Variants in YTHDF2 observed in about 807,000 individuals in gnomAD.
YTHDF2 encodes YTH N6-methyladenosine RNA binding protein F2.
A neutral mutation model predicts 50.4 loss-of-function variants in YTHDF2; 2 were observed. The ratio of observed to expected loss-of-function variants is 0.04; its 90% confidence interval spans 0.02 to 0.12. The LOEUF is 0.12. Among genes scored for constraint, YTHDF2 ranks in the 10% least tolerant of loss-of-function variants. The probability of loss-of-function intolerance (pLI) is 1.00; values close to 1 mark genes in which losing one functional copy is unlikely to be tolerated. For missense variants in YTHDF2, 483 were observed against 722.6 expected (o/e 0.67, Z 3.80); for synonymous variants, 217 against 255.6 (o/e 0.85, Z 1.44).
chr1:28,745,698 CAA>C (rs2087846982), intron 4 of YTHDF2, among the ~76,000 whole-genome samples: 1 of 118,192 alleles, frequency 8.5e-6, no homozygotes, highest in Non-Finnish European at 1.7e-5. Context: ...GCCTGGGCAA[CAA>C]GAGCTAAACT....
chr1:28,737,855 C>A, intron 2 of YTHDF2, 173 bp downstream of exon 2: 50 of 624,816 alleles, frequency 8.0e-5, no homozygotes, highest in Non-Finnish European at 1.1e-4. Context: ...TGGCGAACAG[C>A]TTTTTCGCTA....
chr1:28,743,610 G>T lies in YTHDF2; in HGVS notation c.1340G>T (p.Arg447Leu). The T allele has an allele frequency of 1.2e-6, 2 of 1,614,138 alleles. No individual in the cohort carries two copies. Among genetic ancestry groups the T allele is most frequent in the Non-Finnish European group, 1.7e-6 (2 of 1,180,012 alleles). The change falls in exon 4 of 5, where the codon CGT becomes CTT. Residue 447 changes from arginine (R) to leucine (L), a missense_variant. By Grantham distance (102) the Arg-to-Leu change is moderately radical. Around this residue, in one of 4 missense-constraint regions of YTHDF2, gnomAD observed 59 missense variants for 168.9 expected, o/e 0.35. Transcript: ENST00000373812. The surrounding 1 kb of genome is among the most constrained non-coding windows in gnomAD (Gnocchi z 6.9). Reference sequence around the variant, plus strand: ...AACAAGAGACTGGATGCTGCTTATCGTTCCATGAACGGGAAAGGCCCCGTT... The same window carrying T: ...AACAAGAGACTGGATGCTGCTTATCTTTCCATGAACGGGAAAGGCCCCGTT... ...HGNKRLDAAY[R>L]SMNGKGPVYL...
intron 4 of YTHDF2, among the ~76,000 whole-genome samples, chr1:28,746,360 T>C (rs985418442): frequency 1.3e-5 from 2 of 152,178 alleles, no homozygotes; most frequent in Non-Finnish European, 2.9e-5. Flanking sequence ...TAGACTTGTA[T>C]GTGTTAGGGC....
At chr1:28,737,615 C>G in intron 1 of YTHDF2, 43 bp from the exon 2 acceptor site, 1 of 1,613,760 alleles carries the variant, frequency 6.2e-7, no homozygotes, top group South Asian at 1.1e-5. Context: ...TCCATTTCTC[C>G]TTTGGACAAC....
At chr1:28,766,340 C>T (rs1445860552) in intron 4 of YTHDF2, among the ~76,000 whole-genome samples, 1 of 152,144 alleles carries the variant, frequency 6.6e-6, no homozygotes, top group Non-Finnish European at 1.5e-5. Flanking sequence ...TGGTCTTGAA[C>T]TCCTGTGCTC....
intron 4 of YTHDF2, among the ~76,000 whole-genome samples, chr1:28,745,750 C>T (rs12406208): frequency 0.39 from 46,299 of 119,796 alleles, 9,799 homozygotes; most frequent in East Asian, 0.78. Flanking sequence ...AAAAAACTAA[C>T]ATATTTTGGC....
chr1:28,768,428 C>T (rs1459475559), intron 4 of YTHDF2, among the ~76,000 whole-genome samples: 1 of 151,424 alleles, frequency 6.6e-6, no homozygotes, highest in South Asian at 2.1e-4. Flanking sequence ...TAAGGGCTTT[C>T]TATATGTCAG....
rs1356450077 is a variant in YTHDF2 at position 28,743,653 on chromosome 1, C to T, written c.1383C>T (p.Val461=). 1.2e-6 allele frequency: 2 copies of T among 1,614,192 alleles called. No individual in the cohort carries two copies. The highest frequency in any genetic ancestry group is 1.7e-6 in the Non-Finnish European group (2 of 1,180,046). ...GCCCCGTTTACTTACTTTTCAGTGT[C>T]AACGGCAGTGGACACTTCTGTGGCG... is the stretch of plus-strand genomic sequence containing the variant. ...GKGPVYLLFS[V]NGSGHFCGVA... The change falls in exon 4 of 5, where the codon GTC becomes GTT. Residue 461 remains valine (V), a synonymous_variant. Coordinates refer to ENST00000373812, the MANE Select transcript of YTHDF2 (RefSeq NM_016258.3). The surrounding 1 kb of genome is among the most constrained non-coding windows in gnomAD (Gnocchi z 6.9).
intron 4 of YTHDF2, among the ~76,000 whole-genome samples, chr1:28,748,020 CG>C (rs66738648): frequency 0.38 from 56,538 of 150,354 alleles, 12,026 homozygotes; most frequent in East Asian, 0.77. Context: ...CCCAGCTACT[CG>C]GGAGGCTGAG....
At chr1:28,746,731 G>T (rs951516485) in intron 4 of YTHDF2, among the ~76,000 whole-genome samples, 1 of 152,070 alleles carries the variant, frequency 6.6e-6, no homozygotes, top group Non-Finnish European at 1.5e-5. Context: ...CTGCACTCCA[G>T]CCTGGGCGAT....
At chr1:28,746,501 A>G (rs1436078241) in intron 4 of YTHDF2, among the ~76,000 whole-genome samples, 1 of 151,816 alleles carries the variant, frequency 6.6e-6, no homozygotes, top group Non-Finnish European at 1.5e-5. Context: ...GCACATTGGT[A>G]GGCAGAGGCG....
chr1:28,766,370 G>GA (rs2088216362), intron 4 of YTHDF2, among the ~76,000 whole-genome samples: 1 of 152,236 alleles, frequency 6.6e-6, no homozygotes, highest in African/African-American at 2.4e-5. Flanking sequence ...GCCAGCTTCC[G>GA]CCTCCCAGAG....
intron 4 of YTHDF2, among the ~76,000 whole-genome samples, chr1:28,746,082 T>C (rs1246560938): frequency 6.6e-6 from 1 of 152,054 alleles, no homozygotes; most frequent in Non-Finnish European, 1.5e-5. Context: ...AAAGATAGTT[T>C]ATTGGTGCTT....
intron 2 of YTHDF2, 53 bp from the exon 3 acceptor site, chr1:28,738,206 G>T: frequency 6.9e-7 from 1 of 1,445,746 alleles, no homozygotes; most frequent in Non-Finnish European, 9.7e-7. Context: ...GAACTAATTT[G>T]AAAGGAAGAT....
chr1:28,768,446 A>G (rs1489040840), intron 4 of YTHDF2, among the ~76,000 whole-genome samples: 1 of 152,036 alleles, frequency 6.6e-6, no homozygotes, highest in African/African-American at 2.4e-5. Flanking sequence ...CAGCTTATTA[A>G]TTCTCCATAA....
chr1:28,737,612 C>T lies in YTHDF2; in HGVS notation c.28-46C>T, dbSNP rs371716103. 1.9e-6 allele frequency: 3 copies of T among 1,613,456 alleles called. 1 individual carries two copies. The highest frequency in any genetic ancestry group is 2.5e-6 in the Non-Finnish European group (3 of 1,179,636). ...TTAATTTGTTCTTCCTTTTCCATTT[C>T]TCCTTTGGACAACTTGCTGCTCGGC... On this transcript the variant is annotated intron_variant, in intron 1 of 4. Coordinates refer to ENST00000373812, the MANE Select transcript of YTHDF2 (RefSeq NM_016258.3).
intron 4 of YTHDF2, among the ~76,000 whole-genome samples, chr1:28,762,104 T>G (rs1277962910): frequency 6.6e-6 from 1 of 151,906 alleles, no homozygotes; most frequent in Admixed American, 6.6e-5. Flanking sequence ...TAAAAACACA[T>G]TTTCCTAGCC....
At chr1:28,736,677 C>A, upstream of YTHDF2, 1 of 200,582 alleles carries the variant, frequency 5.0e-6, no homozygotes. Context: ...TCCCAAACCC[C>A]CTAGGCCTTA....
chr1:28,737,763 G>T, intron 2 of YTHDF2, 81 bp downstream of exon 2: 1 of 1,557,946 alleles, frequency 6.4e-7, no homozygotes, highest in Non-Finnish European at 8.7e-7. Flanking sequence ...AAGCGCCCCG[G>T]GCGGAGGACC....
Sources: gnomAD v4.1 joint callset for allele counts (sites outside exome capture counted in the v4.1 genomes callset) on GRCh38, gnomAD v4.1.1 for gene constraint, gnomAD v4.1.1 regional missense constraint, Gnocchi (gnomAD v3.1) non-coding constraint, MANE v1.5 for transcripts, NCBI Gene and HGNC (gene_info 2026-07-23, HGNC 2026-07-21) for gene names.